Variants in LBP observed in about 807,000 individuals in gnomAD.
LBP encodes lipopolysaccharide binding protein, also known as lipopolysaccharide-binding protein.
LBP carries 53 observed loss-of-function variants against 56.6 expected under a neutral mutation model. That is an observed-to-expected ratio of 0.94 (90% CI 0.75 to 1.18). LBP has a LOEUF of 1.18. LBP is among the 50% of genes most tolerant of loss of function. The probability of loss-of-function intolerance (pLI) is 0.00; values close to 1 mark genes in which losing one functional copy is unlikely to be tolerated. For synonymous variants in LBP, 227 were observed against 247.5 expected (o/e 0.92, Z 0.78); for missense variants, 601 against 598.3 (o/e 1.00, Z -0.05).
At chr20:38,362,735 T>C (rs2076865501) in intron 6 of LBP, among the ~76,000 whole-genome samples, 1 of 150,634 alleles carries the variant, frequency 6.6e-6, no homozygotes, top group African/African-American at 2.4e-5. Context: ...ATCACTTCAG[T>C]TCAGGAGTTC....
At chr20:38,347,910 C>T (rs1885882729) in intron 1 of LBP, among the ~76,000 whole-genome samples, 1 of 152,180 alleles carries the variant, frequency 6.6e-6, no homozygotes, top group Non-Finnish European at 1.5e-5. Flanking sequence ...AATGAGATAA[C>T]AACATTCCCT....
intron 12 of LBP, 35 bp downstream of exon 12, chr20:38,371,357 T>C: frequency 1.4e-6 from 2 of 1,476,640 alleles, no homozygotes; most frequent in South Asian, 1.2e-5. Context: ...GATTAGAATG[T>C]TAATTAATTT....
chr20:38,349,747 A>T, intron 2 of LBP, 85 bp downstream of exon 2: 1 of 1,000,840 alleles, frequency 1.0e-6, no homozygotes, highest in Non-Finnish European at 1.5e-6. Context: ...AGAGAGCCTC[A>T]GGATTGGGCT....
At chr20:38,368,085 T>C (rs1439183357) in intron 9 of LBP, among the ~76,000 whole-genome samples, 1 of 152,088 alleles carries the variant, frequency 6.6e-6, no homozygotes, top group Admixed American at 6.5e-5. Context: ...CTGTGGAATA[T>C]CATATTAAAA....
In LBP at chr20:38,350,846, C is replaced by G. The variant is rs373309767; in HGVS notation, c.275C>G (p.Ala92Gly). Residue 92 changes from alanine to glycine, a missense_variant, in exon 3 of 15, where the codon GCG becomes GGG. Ala to Gly is a moderately conservative substitution (Grantham distance 60). Transcript: ENST00000217407. ...CACAGCTGTGAGCTGCTTCACTCTG[C>G]GCTGAGGCCTGTCCCTGGCCAGGGC... ...NIHSCELLHSALRPVPGQGLS... is the reference protein window; with the variant it reads ...NIHSCELLHSGLRPVPGQGLS... 13 of 1,613,648 alleles carry G rather than the reference C, an allele frequency of 8.1e-6. No homozygotes were observed. In the African/African-American group the frequency reaches 1.7e-4, roughly 22 times the overall value.
chr20:38,349,592 A>C lies in LBP; in HGVS notation c.169A>C (p.Ile57Leu). 1 of 1,611,834 alleles carries C rather than the reference A, an allele frequency of 6.2e-7. No individual in the cohort carries two copies. The highest frequency in any genetic ancestry group is 2.2e-5 in the East Asian group (1 of 44,828). Reference protein sequence around the residue: ...LLALQSELLRITLPDFTGDLR... With the variant: ...LLALQSELLRLTLPDFTGDLR... ...AGCTCTGCAGAGTGAGCTGCTCAGG[A>C]TCACGCTGCCTGACTTCACCGGGGA... Residue 57 changes from isoleucine (I) to leucine (L), a missense_variant, in exon 2 of 15, where the codon ATC (isoleucine) becomes CTC (leucine). Transcript: ENST00000217407.
At chr20:38,358,915 G>A (rs535865646) in intron 5 of LBP, among the ~76,000 whole-genome samples, 22 of 152,304 alleles carry the variant, frequency 1.4e-4, no homozygotes, top group African/African-American at 5.3e-4. Context: ...TGTTTTAATG[G>A]TGGAGTTTCA....
intron 14 of LBP, among the ~76,000 whole-genome samples, chr20:38,374,268 T>C (rs1001221864): frequency 1.3e-5 from 2 of 152,158 alleles, no homozygotes; most frequent in Non-Finnish European, 2.9e-5. Context: ...ATCCCTACCA[T>C]GAGGGGCCTG....
chr20:38,373,283 A>G (rs1056902460), intron 13 of LBP, 148 bp downstream of exon 13: 4 of 685,486 alleles, frequency 5.8e-6, no homozygotes, highest in Non-Finnish European at 7.7e-6. Flanking sequence ...TGCCTGTGAC[A>G]TGGGATCGTT....
chr20:38,372,629 CT>C (rs1414076457), intron 12 of LBP, among the ~76,000 whole-genome samples: 1 of 152,102 alleles, frequency 6.6e-6, no homozygotes, highest in Non-Finnish European at 1.5e-5. Flanking sequence ...TTAATATGAA[CT>C]TTGAGGGGTT....
At chr20:38,375,450 G>C (rs752584815) in intron 14 of LBP, among the ~76,000 whole-genome samples, 4 of 151,814 alleles carry the variant, frequency 2.6e-5, no homozygotes, top group Non-Finnish European at 4.4e-5. Flanking sequence ...GCATGGTGGT[G>C]CGCACCTGTA....
At chr20:38,370,364 GAC>G (rs2076896923) in intron 10 of LBP, among the ~76,000 whole-genome samples, 1 of 152,088 alleles carries the variant, frequency 6.6e-6, no homozygotes, top group African/African-American at 2.4e-5. Flanking sequence ...GACAGACAGA[GAC>G]TCCATCTCTA....
chr20:38,375,956 T>G (rs2083956471), intron 14 of LBP, among the ~76,000 whole-genome samples: 1 of 152,234 alleles, frequency 6.6e-6, no homozygotes, highest in Non-Finnish European at 1.5e-5. Flanking sequence ...TTAACTGCTC[T>G]TGAGCATTTA....
chr20:38,357,605 C>T (rs1387334525), intron 5 of LBP, among the ~76,000 whole-genome samples: 1 of 152,114 alleles, frequency 6.6e-6, no homozygotes, highest in African/African-American at 2.4e-5. Flanking sequence ...TTGGATCTCA[C>T]GCAAGAAAGA....
intron 2 of LBP, 120 bp from the exon 3 acceptor site, chr20:38,350,691 G>A: frequency 1.8e-6 from 2 of 1,138,610 alleles, no homozygotes; most frequent in South Asian, 1.7e-5. Context: ...CACAGCAGGT[G>A]CTTACCTGGA....
At chr20:38,349,522 G>C (rs776762757) in intron 1 of LBP, 26 bp from the exon 2 acceptor site, 2 of 1,551,064 alleles carry the variant, frequency 1.3e-6, no homozygotes, top group Non-Finnish European at 1.8e-6. Context: ...AGATCAAGCT[G>C]ACTCCCAGCT....
intron 5 of LBP, among the ~76,000 whole-genome samples, chr20:38,357,162 T>C (rs73285089): frequency 0.065 from 9,921 of 152,246 alleles, 389 homozygotes; most frequent in African/African-American, 0.095. Flanking sequence ...GCCAGTCCCA[T>C]TGGATCTTAA....
At chr20:38,354,187 T>G (rs1323537560) in intron 3 of LBP, 97 bp from the exon 4 acceptor site, 3 of 938,484 alleles carry the variant, frequency 3.2e-6, no homozygotes, top group Non-Finnish European at 4.8e-6. Context: ...CTCAGCTCCA[T>G]GTATTTGGAG....
intron 12 of LBP, among the ~76,000 whole-genome samples, chr20:38,372,713 T>C (rs1284818048): frequency 2.0e-5 from 3 of 152,154 alleles, no homozygotes; most frequent in Non-Finnish European, 4.4e-5. Flanking sequence ...GGGTTAGAAG[T>C]TGTGTTTCAT....
Sources: gnomAD v4.1 joint callset for allele counts (sites outside exome capture counted in the v4.1 genomes callset) on GRCh38, gnomAD v4.1.1 for gene constraint, MANE v1.5 for transcripts, NCBI Gene and HGNC (gene_info 2026-07-23, HGNC 2026-07-21) for gene names.